WDR7: variants seen among roughly 807,000 people sequenced by gnomAD.
The protein encoded by WDR7 is WD repeat domain 7, also known as WD repeat-containing protein 7.
Under a neutral mutation model 169.4 loss-of-function variants are expected in WDR7, and 46 were observed. That is an observed-to-expected ratio of 0.27 (90% CI 0.21 to 0.35). The LOEUF (loss-of-function observed/expected upper bound fraction) is 0.35. WDR7 is among the 10% of genes least tolerant of loss of function. The pLI, the probability that WDR7 is intolerant of heterozygous loss-of-function variation, is 1.00. For synonymous variants in WDR7, 612 were observed against 666.8 expected (o/e 0.92, Z 1.27); for missense variants, 1,534 against 1,859.3 (o/e 0.83, Z 3.22).
chr18:56,905,725 G>A (rs536435298), intron 21 of WDR7, among the ~76,000 whole-genome samples: 28 of 151,664 alleles, frequency 1.8e-4, no homozygotes, highest in South Asian at 1.5e-3. Flanking sequence ...ATCCAGGAGC[G>A]ATTTATCTAT....
chr18:56,697,675 T>G (rs951545790), intron 12 of WDR7, among the ~76,000 whole-genome samples: 1 of 152,224 alleles, frequency 6.6e-6, no homozygotes, highest in South Asian at 2.1e-4. Context: ...ATAGTAGTTA[T>G]GTCCTATGGT....
intron 23 of WDR7, among the ~76,000 whole-genome samples, 154 bp from the exon 24 acceptor site, chr18:56,938,379 C>T (rs562003203): frequency 7.2e-5 from 11 of 152,128 alleles, no homozygotes; most frequent in Non-Finnish European, 1.5e-4. Context: ...TTTTATTATA[C>T]TAAGTATTGT....
intron 21 of WDR7, among the ~76,000 whole-genome samples, chr18:56,880,747 A>G (rs1230348009): frequency 6.6e-6 from 1 of 152,240 alleles, no homozygotes; most frequent in Non-Finnish European, 1.5e-5. Flanking sequence ...AACAGTTTTT[A>G]AATGACTATA....
chr18:56,695,755 G>A (rs1379189709), intron 11 of WDR7, among the ~76,000 whole-genome samples: 3 of 151,942 alleles, frequency 2.0e-5, no homozygotes, highest in African/African-American at 7.3e-5. Context: ...GGCTGGTCTC[G>A]AACTCCTGAC....
At chr18:56,666,933 T>C (rs1298466300) in intron 1 of WDR7, among the ~76,000 whole-genome samples, 1 of 152,116 alleles carries the variant, frequency 6.6e-6, no homozygotes, top group African/African-American at 2.4e-5. Flanking sequence ...CGTTTCTTTT[T>C]TAAATGCTTA....
At chr18:56,658,143 G>A (rs1056319647) in intron 1 of WDR7, among the ~76,000 whole-genome samples, 32 of 152,080 alleles carry the variant, frequency 2.1e-4, no homozygotes, top group Admixed American at 3.9e-4. Context: ...TCGCTCTGTC[G>A]CCCAGGCTAG....
Position 56,672,511 on chromosome 18 carries a change from A to G in WDR7, c.-5A>G, listed in dbSNP as rs1275308464. ...AACATTTTCAGGTTTGAAAACACAA[A>G]CACAATGGCAGGAAACAGCCTTGTT... On this transcript the variant is annotated 5_prime_UTR_variant, in exon 2 of 28. Coordinates refer to ENST00000254442, the MANE Select transcript of WDR7 (RefSeq NM_015285.3). 6 of 1,534,704 alleles carry G rather than the reference A, an allele frequency of 3.9e-6. No individual in the cohort carries two copies. The South Asian group carries it at 6.7e-5, about 17-fold the overall frequency.
intron 1 of WDR7, among the ~76,000 whole-genome samples, chr18:56,665,119 C>T (rs1380544779): frequency 6.6e-6 from 1 of 151,884 alleles, no homozygotes; most frequent in African/African-American, 2.4e-5. Context: ...ATGGCAAAAC[C>T]CCGTCTCTGC....
rs115295952 is a variant in WDR7, at chr18:56,757,695, G to A, written c.2759+343G>A. Reference sequence around the variant, plus strand: ...AATTCAAAATATATATTTGAGGCTGGGCATGGTAGCTGACACTTGTAATCC... The same window carrying A: ...AATTCAAAATATATATTTGAGGCTGAGCATGGTAGCTGACACTTGTAATCC... On this transcript the variant is annotated intron_variant, in intron 15 of 27. Coordinates refer to ENST00000254442, the MANE Select transcript of WDR7 (RefSeq NM_015285.3). 7.8e-3 allele frequency among the ~76,000 whole-genome samples: 1,187 copies of A among 152,172 alleles called. 11 individuals are homozygous for A. The highest frequency in any genetic ancestry group is 0.028 in the African/African-American group (1,144 of 41,518).
chr18:56,652,131 A>G (rs899140865), intron 1 of WDR7, among the ~76,000 whole-genome samples: 1 of 152,144 alleles, frequency 6.6e-6, no homozygotes, highest in Non-Finnish European at 1.5e-5. Context: ...TTCTGAAGCT[A>G]TGTTTGAAGT....
chr18:56,901,381 T>G (rs2046398906), intron 21 of WDR7, among the ~76,000 whole-genome samples: 1 of 150,800 alleles, frequency 6.6e-6, no homozygotes, highest in Non-Finnish European at 1.5e-5. Context: ...GGTAGATCTC[T>G]AGGCAGTATA....
intron 22 of WDR7, among the ~76,000 whole-genome samples, chr18:56,932,643 A>G (rs1252452180): frequency 6.6e-6 from 1 of 152,100 alleles, no homozygotes; most frequent in Non-Finnish European, 1.5e-5. Context: ...CGGCAGGGCT[A>G]GTTGTTTTTG....
chr18:56,729,037 A>G (rs1168215235), intron 13 of WDR7, among the ~76,000 whole-genome samples: 1 of 152,150 alleles, frequency 6.6e-6, no homozygotes, highest in Non-Finnish European at 1.5e-5. Context: ...TTTAGACACC[A>G]GAGATCAAAT....
At chr18:57,030,485 G>A (rs540280402), downstream of WDR7, 4 of 152,272 alleles carry the variant, frequency 2.6e-5, no homozygotes, top group South Asian at 8.3e-4. Context: ...AGGGAAAATA[G>A]GGGCAGTAAC....
intron 19 of WDR7, among the ~76,000 whole-genome samples, chr18:56,810,922 C>G (rs1336782846): frequency 6.6e-6 from 1 of 152,082 alleles, no homozygotes; most frequent in African/African-American, 2.4e-5. Context: ...AACCTCAGCC[C>G]CCATTAGCAT....
At chr18:56,986,727 A>G (rs1223745993) in intron 26 of WDR7, among the ~76,000 whole-genome samples, 1 of 151,150 alleles carries the variant, frequency 6.6e-6, no homozygotes, top group Non-Finnish European at 1.5e-5. Context: ...ATGACGGGGG[A>G]AAATAAAAAA....
intron 26 of WDR7, among the ~76,000 whole-genome samples, chr18:57,017,928 AC>A (rs1413586001): frequency 1.3e-5 from 2 of 152,238 alleles, no homozygotes; most frequent in African/African-American, 4.8e-5. Context: ...CCAGAGGAAG[AC>A]AAAAAATGGA....
chr18:56,801,965 GT>G (rs948611257), intron 19 of WDR7, among the ~76,000 whole-genome samples: 1 of 152,052 alleles, frequency 6.6e-6, no homozygotes, highest in Non-Finnish European at 1.5e-5. Context: ...TAAATTTCAT[GT>G]TTTTTCACTT....
intron 12 of WDR7, among the ~76,000 whole-genome samples, chr18:56,704,703 G>A (rs2025909715): frequency 6.6e-6 from 1 of 152,156 alleles, no homozygotes; most frequent in Non-Finnish European, 1.5e-5. Flanking sequence ...ACAGTAATGA[G>A]AAAGACTGCA....
Sources: gnomAD v4.1 joint callset for allele counts (sites outside exome capture counted in the v4.1 genomes callset) on GRCh38, gnomAD v4.1.1 for gene constraint, MANE v1.5 for transcripts, NCBI Gene and HGNC (gene_info 2026-07-23, HGNC 2026-07-21) for gene names.